Variants in NRXN3 observed in about 807,000 individuals in gnomAD.
NRXN3 encodes the protein neurexin 3, also known as neurexin III.
Under a neutral mutation model 137.6 loss-of-function variants are expected in NRXN3, and 32 were observed. That is an observed-to-expected ratio of 0.23 (90% CI 0.18 to 0.31). The LOEUF (loss-of-function observed/expected upper bound fraction) is 0.31. Ranked by LOEUF, NRXN3 falls within the 10% of genes least tolerant of loss-of-function variation. The probability of loss-of-function intolerance (pLI) is 1.00; values close to 1 mark genes in which losing one functional copy is unlikely to be tolerated. For synonymous variants in NRXN3, 798 were observed against 784.5 expected, an observed-to-expected ratio of 1.02 and a Z score of -0.29; for missense variants, 1,574 against 2,062.5, an observed-to-expected ratio of 0.76 and a Z score of 4.59.
At chr14:79,730,761 G>C (rs1241393374) in intron 19 of NRXN3, among the ~76,000 whole-genome samples, 1 of 152,136 alleles carries the variant, frequency 6.6e-6, no homozygotes, top group East Asian at 1.9e-4. Flanking sequence ...GAATGCACCT[G>C]CTTAGGAAAA....
At chr14:78,430,909 A>G (rs1376923952) in intron 4 of NRXN3, among the ~76,000 whole-genome samples, 2 of 152,070 alleles carry the variant, frequency 1.3e-5, no homozygotes, top group African/African-American at 4.8e-5. Context: ...GGGTACCTAG[A>G]GTTCATATTC....
At chr14:79,776,157 C>A (rs1355200743) in intron 19 of NRXN3, among the ~76,000 whole-genome samples, 2 of 152,146 alleles carry the variant, frequency 1.3e-5, no homozygotes, top group Non-Finnish European at 1.5e-5. Flanking sequence ...GAGTTAATTA[C>A]TTCTCTCCAC....
intron 15 of NRXN3, among the ~76,000 whole-genome samples, chr14:79,110,483 G>A (rs535354559): frequency 3.9e-4 from 59 of 152,308 alleles, no homozygotes; most frequent in Middle Eastern, 6.8e-3. Flanking sequence ...TGTCACTTTT[G>A]TCTTTTTATT....
At chr14:78,655,457 T>G (rs1387542169) in intron 6 of NRXN3, among the ~76,000 whole-genome samples, 1 of 152,200 alleles carries the variant, frequency 6.6e-6, no homozygotes, top group African/African-American at 2.4e-5. Context: ...TTCTGAGGTT[T>G]GCCCTACATA....
intron 16 of NRXN3, among the ~76,000 whole-genome samples, chr14:79,621,573 A>C (rs2098225168): frequency 6.6e-6 from 1 of 152,254 alleles, no homozygotes. Context: ...CTTGACTCAA[A>C]CCTGAAGGGA....
intron 15 of NRXN3, among the ~76,000 whole-genome samples, chr14:79,300,205 A>G (rs2084908287): frequency 6.6e-6 from 1 of 152,064 alleles, no homozygotes; most frequent in African/African-American, 2.4e-5. Context: ...CTCTAGGTCA[A>G]AAGTTACTAA....
chr14:79,386,996 ACT>A (rs2094644394), intron 15 of NRXN3, among the ~76,000 whole-genome samples: 1 of 152,132 alleles, frequency 6.6e-6, no homozygotes, highest in Non-Finnish European at 1.5e-5. Flanking sequence ...AACCATAAAA[ACT>A]CTAGAAGAAA....
chr14:78,693,704 T>A (rs2098196513), intron 6 of NRXN3, among the ~76,000 whole-genome samples: 1 of 141,252 alleles, frequency 7.1e-6, no homozygotes, highest in Non-Finnish European at 1.5e-5. Context: ...TGTGTGTGTG[T>A]GTGTGTGTTC....
At chr14:79,030,318 T>C (rs920125681) in intron 15 of NRXN3, among the ~76,000 whole-genome samples, 3 of 152,052 alleles carry the variant, frequency 2.0e-5, no homozygotes, top group African/African-American at 7.3e-5. Context: ...TTGTTCCCAG[T>C]TGAGAATCAC....
At chr14:79,342,928 G>T (rs1209458798) in intron 15 of NRXN3, among the ~76,000 whole-genome samples, 1 of 152,114 alleles carries the variant, frequency 6.6e-6, no homozygotes, top group Non-Finnish European at 1.5e-5. Flanking sequence ...TGAGCATTTG[G>T]GGATCAGAGT....
At chr14:78,325,076 C>A (rs961411675) in intron 4 of NRXN3, among the ~76,000 whole-genome samples, 1 of 152,060 alleles carries the variant, frequency 6.6e-6, no homozygotes, top group Admixed American at 6.5e-5. Context: ...AGAGTACAGG[C>A]AAGGACAAAT....
intron 20 of NRXN3, among the ~76,000 whole-genome samples, chr14:79,821,296 G>C (rs1261577421): frequency 6.6e-6 from 1 of 152,006 alleles, no homozygotes; most frequent in Non-Finnish European, 1.5e-5. Context: ...CTCATTACTA[G>C]CTTTCCCTAT....
chr14:79,768,527 T>C (rs367895965), intron 19 of NRXN3, among the ~76,000 whole-genome samples: 2,095 of 152,048 alleles, frequency 0.014, 47 homozygotes, highest in African/African-American at 0.048. Flanking sequence ...ACACCTCACA[T>C]GGCAGGGTAC....
At chr14:78,626,426 G>A (rs563680048) in intron 4 of NRXN3, among the ~76,000 whole-genome samples, 1 of 151,864 alleles carries the variant, frequency 6.6e-6, no homozygotes, top group East Asian at 1.9e-4. Context: ...AGAGTTAAAG[G>A]CATCAATCGT....
chr14:79,168,735 C>A (rs910691014), intron 15 of NRXN3, among the ~76,000 whole-genome samples: 1 of 152,056 alleles, frequency 6.6e-6, no homozygotes, highest in Non-Finnish European at 1.5e-5. Context: ...TCTACCTTCG[C>A]AAATGCAGCA....
chr14:79,467,116 A>G (rs774271966), intron 15 of NRXN3, 105 bp from the exon 16 acceptor site: 128 of 1,104,420 alleles, frequency 1.2e-4, no homozygotes, highest in Admixed American at 3.3e-4. Flanking sequence ...CCCATGGGGG[A>G]CATTTCCTCT....
At chr14:78,360,678 G>T (rs1368293516) in intron 4 of NRXN3, among the ~76,000 whole-genome samples, 1 of 151,958 alleles carries the variant, frequency 6.6e-6, no homozygotes, top group Non-Finnish European at 1.5e-5. Flanking sequence ...ACATAGTAAG[G>T]GTTCAAGAAA....
intron 4 of NRXN3, among the ~76,000 whole-genome samples, chr14:78,526,556 T>G (rs2096382796): frequency 6.6e-6 from 1 of 152,364 alleles, no homozygotes; most frequent in South Asian, 2.1e-4. Flanking sequence ...TGTACTTTCT[T>G]TCATTCAAAT....
chr14:79,607,852 G>A (rs564259953), intron 16 of NRXN3, among the ~76,000 whole-genome samples: 1 of 151,616 alleles, frequency 6.6e-6, no homozygotes, highest in African/African-American at 2.4e-5. Flanking sequence ...CTAATTTTTT[G>A]TCAAGACGGG....
Sources: allele counts gnomAD v4.1 joint callset (sites outside exome capture counted in the v4.1 genomes callset), GRCh38; gene constraint gnomAD v4.1.1; transcripts MANE v1.5; gene names NCBI Gene and HGNC (gene_info 2026-07-23, HGNC 2026-07-21).